FOXN3: variants seen among roughly 807,000 people sequenced by gnomAD.
FOXN3 encodes the protein forkhead box protein N3.
A neutral mutation model predicts 38.4 loss-of-function variants in FOXN3; 7 were observed. The observed-to-expected ratio is 0.18, with a 90% CI of 0.10 to 0.34. The LOEUF is 0.34. FOXN3 is among the 10% of genes least tolerant of loss of function. The pLI is 1.00. For missense variants in FOXN3, 456 were observed against 613.4 expected (o/e 0.74, Z 2.71); for synonymous variants, 230 against 242.2 (o/e 0.95, Z 0.47).
intron 1 of FOXN3, among the ~76,000 whole-genome samples, chr14:89,475,733 A>T (rs1416614016): frequency 6.6e-6 from 1 of 152,236 alleles, no homozygotes; most frequent in Non-Finnish European, 1.5e-5. Flanking sequence ...GCCTTGTGCC[A>T]TTCCATAAAA....
At chr14:89,560,186 AACTC>A (rs930893586) in intron 1 of FOXN3, among the ~76,000 whole-genome samples, 17 of 152,306 alleles carry the variant, frequency 1.1e-4, no homozygotes, top group Admixed American at 9.8e-4. Flanking sequence ...ATCTTGTGGG[AACTC>A]ACTCACTATC....
intron 2 of FOXN3, among the ~76,000 whole-genome samples, chr14:89,353,195 G>T (rs910414307): frequency 5.3e-5 from 8 of 152,110 alleles, no homozygotes; most frequent in Non-Finnish European, 1.0e-4. Flanking sequence ...TTCCTCACTG[G>T]TAAAACAGTG....
intron 1 of FOXN3, 134 bp downstream of exon 1, chr14:89,416,737 C>T (rs1471353818): frequency 6.6e-6 from 1 of 152,130 alleles, no homozygotes; most frequent in Non-Finnish European, 1.5e-5. Flanking sequence ...ACCCGACCCT[C>T]CCCCCAGGAC....
At chr14:89,180,889 C>A (rs1887649615) in intron 4 of FOXN3, 83 bp from the exon 5 acceptor site, 22 of 739,378 alleles carry the variant, frequency 3.0e-5, no homozygotes, top group Non-Finnish European at 4.2e-5. Flanking sequence ...TCTGGATAGA[C>A]CAATAAGAGA....
upstream of FOXN3, among the ~76,000 whole-genome samples, chr14:89,418,286 G>GA (rs1055868814): frequency 1.3e-5 from 2 of 151,660 alleles, no homozygotes; most frequent in African/African-American, 2.4e-5. Context: ...GAAAACTACA[G>GA]AAAAAAACAG....
rs543372649 is a variant in FOXN3 at position 89,510,034 on chromosome 14, C to T, written c.-14-97544G>A. 2.0e-5 allele frequency among the ~76,000 whole-genome samples: 3 copies of T among 152,274 alleles called. No individual in the cohort carries two copies. In the East Asian group the frequency reaches 5.8e-4, roughly 29 times the overall value. ...CAGCTTAATGGAATTCCCCCTTCCTCCCCATAGAACCCACATGGATGAGAG... is the reference window on the plus strand; with the variant it reads ...CAGCTTAATGGAATTCCCCCTTCCTTCCCATAGAACCCACATGGATGAGAG... On this transcript the variant is annotated intron_variant, in intron 1 of 6. Transcript: ENST00000345097.
chr14:89,233,767 G>A (rs1884891257), intron 4 of FOXN3, among the ~76,000 whole-genome samples: 1 of 152,208 alleles, frequency 6.6e-6, no homozygotes, highest in Non-Finnish European at 1.5e-5. Flanking sequence ...TACTAGCAGA[G>A]TGACCTCGGG....
chr14:89,283,206 G>A (rs1451048645), intron 3 of FOXN3, among the ~76,000 whole-genome samples: 3 of 152,168 alleles, frequency 2.0e-5, no homozygotes, highest in Non-Finnish European at 2.9e-5. Context: ...TAGAAGATCC[G>A]AGGATTTATT....
intron 5 of FOXN3, among the ~76,000 whole-genome samples, chr14:89,168,666 G>A (rs1887304784): frequency 6.6e-6 from 1 of 152,210 alleles, no homozygotes; most frequent in Admixed American, 6.5e-5. Context: ...TGGAGTTCCA[G>A]TGAAAAGAAA....
chr14:89,514,783 C>T (rs1894169154), intron 1 of FOXN3, among the ~76,000 whole-genome samples: 1 of 152,198 alleles, frequency 6.6e-6, no homozygotes, highest in Non-Finnish European at 1.5e-5. Flanking sequence ...TCCCTTCACT[C>T]AGTGCCTCCC....
At chr14:89,326,924 T>C in intron 3 of FOXN3, among the ~76,000 whole-genome samples, 1 of 152,192 alleles carries the variant, frequency 6.6e-6, no homozygotes, top group East Asian at 1.9e-4. Flanking sequence ...GTGCCTGACA[T>C]TGTGATCCAT....
chr14:89,195,601 T>C (rs1253164646), intron 4 of FOXN3, among the ~76,000 whole-genome samples: 1 of 152,030 alleles, frequency 6.6e-6, no homozygotes, highest in Non-Finnish European at 1.5e-5. Context: ...CAGGACAAGA[T>C]CTCCAGGAGG....
intron 2 of FOXN3, among the ~76,000 whole-genome samples, chr14:89,368,316 G>A (rs1890216093): frequency 7.4e-6 from 1 of 135,390 alleles, no homozygotes; most frequent in Non-Finnish European, 1.6e-5. Context: ...GATAAAAAGA[G>A]TGAAACTCTG....
chr14:89,193,537 C>G (rs1457632527), intron 4 of FOXN3, among the ~76,000 whole-genome samples: 1 of 152,122 alleles, frequency 6.6e-6, no homozygotes, highest in African/African-American at 2.4e-5. Flanking sequence ...CCCCACCCCC[C>G]CACCTTCTGT....
chr14:89,254,684 C>T (rs995713239), intron 4 of FOXN3, among the ~76,000 whole-genome samples: 2 of 152,130 alleles, frequency 1.3e-5, no homozygotes, highest in African/African-American at 4.8e-5. Context: ...GGCTCTGCTC[C>T]CGGGGCCATC....
rs544362051 is a variant in FOXN3 at position 89,540,717 on chromosome 14, A to G, written c.-15+78311T>C. On this transcript the variant is annotated intron_variant, in intron 1 of 6. Coordinates refer to the FOXN3 transcript ENST00000345097. ...TGCAACACTGCACTCCAGCCTGGGT[A>G]ACACAGTGAGACTATGTCTCAAAAA... Among the ~76,000 whole-genome samples the G allele has an allele frequency of 1.1e-3, 159 of 151,122 alleles. 1 individual carries two copies. Among genetic ancestry groups the G allele is most frequent in the Non-Finnish European group, 9.3e-4 (63 of 67,758 alleles).
intron 1 of FOXN3, among the ~76,000 whole-genome samples, chr14:89,451,716 T>C (rs943538780): frequency 9.8e-5 from 15 of 152,316 alleles, no homozygotes; most frequent in African/African-American, 3.6e-4. Context: ...ATTCACTTTT[T>C]TTATCTTCGA....
At chr14:89,416,651 G>A (rs1375171950) in intron 1 of FOXN3, among the ~76,000 whole-genome samples, 1 of 152,162 alleles carries the variant, frequency 6.6e-6, no homozygotes, top group Non-Finnish European at 1.5e-5. Context: ...CGAGGCACCG[G>A]GAAGCAGCAC....
Position 89,566,581 on chromosome 14 carries a change from C to G in FOXN3, c.-15+52447G>C, listed in dbSNP as rs75507653. Among the ~76,000 whole-genome samples, 384 of 152,338 alleles carry G rather than the reference C, an allele frequency of 2.5e-3. 3 individuals carry two copies. Among genetic ancestry groups the G allele is most frequent in the African/African-American group, 9.0e-3 (373 of 41,562 alleles). On this transcript the variant is annotated intron_variant, in intron 1 of 6. Coordinates refer to the FOXN3 transcript ENST00000345097. ...CACTTTAGGTTAATAAGTGGTACTG[C>G]CATCACTGGCTTCAGTCTTCCAGGA... is the stretch of plus-strand genomic sequence containing the variant.
Sources: allele counts gnomAD v4.1 joint callset (sites outside exome capture counted in the v4.1 genomes callset), GRCh38; gene constraint gnomAD v4.1.1; transcripts MANE v1.5; gene names NCBI Gene and HGNC (gene_info 2026-07-23, HGNC 2026-07-21).